RNF144A: variants seen among roughly 807,000 people sequenced by gnomAD.
The protein encoded by RNF144A is E3 ubiquitin-protein ligase RNF144A.
Under a neutral mutation model 38.7 loss-of-function variants are expected in RNF144A, and 11 were observed. That is an observed-to-expected ratio of 0.28 (90% CI 0.18 to 0.47). The LOEUF (loss-of-function observed/expected upper bound fraction) is 0.47, where lower values mean the gene tolerates loss of function less well. Among genes scored for constraint, RNF144A ranks in the 20% least tolerant of loss-of-function variants. The probability of loss-of-function intolerance (pLI) is 0.99; values close to 1 mark genes in which losing one functional copy is unlikely to be tolerated. For synonymous variants in RNF144A, 149 were observed against 143.9 expected (o/e 1.04, Z -0.25); for missense variants, 316 against 377.2 (o/e 0.84, Z 1.34).
At chr2:7,006,771 T>C (rs1670470800) in intron 3 of RNF144A, among the ~76,000 whole-genome samples, 1 of 152,020 alleles carries the variant, frequency 6.6e-6, no homozygotes, top group South Asian at 2.1e-4. Flanking sequence ...TCAGTCTATT[T>C]AAGTGGGGCT....
rs570951877 is a variant in RNF144A at position 6,992,124 on chromosome 2, C to T, written c.-11-4792C>T. 3.9e-5 allele frequency among the ~76,000 whole-genome samples: 6 copies of T among 152,242 alleles called. No homozygotes were observed. In the South Asian group the frequency reaches 8.3e-4, roughly 21 times the overall value. Reference sequence around the variant, plus strand: ...GAAGAACGGTGCACTTGGTGGGCTTCGACCCACACAGCCTTGAGTGAGATA... The same window carrying T: ...GAAGAACGGTGCACTTGGTGGGCTTTGACCCACACAGCCTTGAGTGAGATA... On this transcript the variant is annotated intron_variant, in intron 2 of 8. Transcript: ENST00000320892.
intron 8 of RNF144A, among the ~76,000 whole-genome samples, chr2:7,035,038 C>T (rs928978625): frequency 6.6e-6 from 1 of 152,206 alleles, no homozygotes; most frequent in African/African-American, 2.4e-5. Flanking sequence ...GCCTCTTGGT[C>T]CTCCACATTT....
chr2:7,052,214 A>C (rs1274782858), intron 6 of RNF144A, among the ~76,000 whole-genome samples: 1 of 152,218 alleles, frequency 6.6e-6, no homozygotes, highest in African/African-American at 2.4e-5. Context: ...CGTGGCAAAC[A>C]TGAGAAAAGG....
chr2:6,947,519 G>T (rs1466583713), intron 2 of RNF144A, among the ~76,000 whole-genome samples: 1 of 152,098 alleles, frequency 6.6e-6, no homozygotes, highest in Non-Finnish European at 1.5e-5. Context: ...CGAGAAGAAA[G>T]TTTCTACATA....
At chr2:7,046,536 A>C (rs1220837936), downstream of RNF144A, among the ~76,000 whole-genome samples, 1 of 152,250 alleles carries the variant, frequency 6.6e-6, no homozygotes, top group African/African-American at 2.4e-5. Flanking sequence ...CAAGTAAAAC[A>C]TAGAGTACAT....
At position 6,943,444 on chromosome 2, in the gene RNF144A, C is replaced by G. The variant is rs1666143444; in HGVS notation, c.-12+2297C>G. On this transcript the variant is annotated intron_variant, in intron 2 of 8. Coordinates refer to ENST00000320892, the MANE Select transcript of RNF144A (RefSeq NM_014746.6). The surrounding 1 kb of genome is among the most constrained non-coding windows in gnomAD (Gnocchi z 4.3). ...AGGGATTGTAGACAACTCAGTTGAG[C>G]TTTGCGGCAAAAGGGAGCAGAGTTT... Among the ~76,000 whole-genome samples the G allele has an allele frequency of 6.6e-6, 1 of 152,186 alleles. No homozygotes were observed. Among genetic ancestry groups the G allele is most frequent in the African/African-American group, 2.4e-5 (1 of 41,438 alleles).
At chr2:7,050,943 G>A (rs988810507) in intron 6 of RNF144A, among the ~76,000 whole-genome samples, 1 of 152,240 alleles carries the variant, frequency 6.6e-6, no homozygotes, top group African/African-American at 2.4e-5. Flanking sequence ...CTCGGGTGCA[G>A]TCTTGAAGCT....
In RNF144A at chr2:7,039,724, G is replaced by A. The variant is rs144778745; in HGVS notation, c.843G>A (p.Lys281=). The A allele has an allele frequency of 3.7e-6, 6 of 1,613,880 alleles. No homozygotes were observed. The African/African-American group carries it at 4.0e-5, about 11-fold the overall frequency. The change falls in exon 9 of 9, where the codon AAG becomes AAA. Residue 281 remains lysine, a synonymous_variant. Coordinates refer to ENST00000320892, the MANE Select transcript of RNF144A (RefSeq NM_014746.6). Reference sequence around the variant, plus strand: ...CCTTTGTACTTTGCTGCAAGTGCAAGTGCAGTAAAGGTGACGACGACCCGT... The same window carrying A: ...CCTTTGTACTTTGCTGCAAGTGCAAATGCAGTAAAGGTGACGACGACCCGT... The part of the protein sequence containing the change: ...ATPFVLCCKC[K]CSKGDDDPLP...
At chr2:6,972,744 T>G in intron 2 of RNF144A, among the ~76,000 whole-genome samples, 1 of 152,242 alleles carries the variant, frequency 6.6e-6, no homozygotes, top group East Asian at 1.9e-4. Context: ...ACTGCGGTTC[T>G]GTTCCTGAGC....
chr2:7,052,357 ATAT>A (rs2103474030), intron 6 of RNF144A, among the ~76,000 whole-genome samples: 1 of 152,248 alleles, frequency 6.6e-6, no homozygotes, highest in Non-Finnish European at 1.5e-5. Context: ...CTACAAATAA[ATAT>A]TATTTTGTGC....
intron 2 of RNF144A, among the ~76,000 whole-genome samples, chr2:6,945,351 C>T (rs1185053334): frequency 6.6e-6 from 1 of 152,208 alleles, no homozygotes; most frequent in Non-Finnish European, 1.5e-5. Context: ...TCAATCATAA[C>T]CACATTTTCC....
At chr2:6,980,132 A>G (rs940227025) in intron 2 of RNF144A, among the ~76,000 whole-genome samples, 2 of 152,216 alleles carry the variant, frequency 1.3e-5, no homozygotes, top group African/African-American at 2.4e-5. Flanking sequence ...GTCCCTCAAC[A>G]TGTGAAGATT....
At chr2:7,024,332 C>A in intron 6 of RNF144A, 37 bp from the exon 7 acceptor site, 1 of 1,546,238 alleles carries the variant, frequency 6.5e-7, no homozygotes, top group South Asian at 1.2e-5. Context: ...CCCGTGGGAT[C>A]CGTTTGTGCA....
In RNF144A at chr2:6,958,862, C is replaced by T. The variant is rs1329131542; in HGVS notation, c.-12+17715C>T. On this transcript the variant is annotated intron_variant, in intron 2 of 8. Coordinates refer to ENST00000320892, the MANE Select transcript of RNF144A (RefSeq NM_014746.6). This position sits in a 1 kb window ranked among gnomAD's most constrained non-coding sequence, Gnocchi z 4.5. The stretch of plus-strand genomic sequence containing the variant: ...TGGGAGTGGGCCCTGCTGAAAGGAG[C>T]TTGGACACTATTCCAAAGCTTCTCT... Among the ~76,000 whole-genome samples the T allele has an allele frequency of 6.6e-6, 1 of 152,144 alleles. No homozygotes were observed. Among genetic ancestry groups the T allele is most frequent in the Non-Finnish European group, 1.5e-5 (1 of 68,030 alleles).
chr2:6,987,386 C>T (rs994742712), intron 2 of RNF144A, among the ~76,000 whole-genome samples: 5 of 152,040 alleles, frequency 3.3e-5, no homozygotes, highest in African/African-American at 1.2e-4. Context: ...GTGTGTCTCC[C>T]TGTCAGATCA....
At chr2:7,032,855 T>C (rs1672415429) in intron 8 of RNF144A, among the ~76,000 whole-genome samples, 1 of 152,230 alleles carries the variant, frequency 6.6e-6, no homozygotes, top group Non-Finnish European at 1.5e-5. Context: ...TAACAACACC[T>C]ACACCCCCCT....
chr2:7,039,754 C>A lies in RNF144A; in HGVS notation c.873C>A (p.Pro291=), dbSNP rs751502609. The change falls in exon 9 of 9, where the codon CCC becomes CCA. Residue 291 remains proline, a synonymous_variant. Coordinates refer to ENST00000320892, the MANE Select transcript of RNF144A (RefSeq NM_014746.6). ...GTAAAGGTGACGACGACCCGTTACC[C>A]ACCTAGAGGAAGCGCGATGCTGGAA... is the stretch of plus-strand genomic sequence containing the variant. ...KCSKGDDDPL[P]T is the part of the protein sequence containing the mutation. 2 of 1,613,318 alleles carry A rather than the reference C, an allele frequency of 1.2e-6. No individual in the cohort carries two copies. Among genetic ancestry groups the A allele is most frequent in the East Asian group, 4.5e-5 (2 of 44,872 alleles).
chr2:6,952,014 A>G (rs1666712942), intron 2 of RNF144A, among the ~76,000 whole-genome samples: 1 of 152,196 alleles, frequency 6.6e-6, no homozygotes, highest in Non-Finnish European at 1.5e-5. Flanking sequence ...TAATTTAATT[A>G]AAAATACGTT....
In RNF144A at chr2:7,030,997, T is replaced by G. The variant is rs545545082; in HGVS notation, c.747+782T>G. 2.0e-5 allele frequency among the ~76,000 whole-genome samples: 3 copies of G among 152,242 alleles called. No individual in the cohort carries two copies. In the East Asian group the frequency reaches 5.8e-4, roughly 29 times the overall value. On this transcript the variant is annotated intron_variant, in intron 8 of 8. Coordinates refer to ENST00000320892, the MANE Select transcript of RNF144A (RefSeq NM_014746.6). ...GGTTCGTGCTCCTACGAGAGTCTAA[T>G]GTCGCTGCTGATCTGACAGGAGGTG...
Sources: allele counts gnomAD v4.1 joint callset (sites outside exome capture counted in the v4.1 genomes callset), GRCh38; gene constraint gnomAD v4.1.1; non-coding constraint Gnocchi (gnomAD v3.1); transcripts MANE v1.5; gene names NCBI Gene and HGNC (gene_info 2026-07-23, HGNC 2026-07-21).